Variants in NCAM2 observed in about 807,000 individuals in gnomAD.
NCAM2 encodes N-CAM-2.
Under a neutral mutation model 98.1 loss-of-function variants are expected in NCAM2, and 30 were observed. The ratio of observed to expected loss-of-function variants is 0.31; its 90% CI spans 0.23 to 0.41. NCAM2 has a LOEUF of 0.41. Ranked by LOEUF, NCAM2 falls within the 10% of genes least tolerant of loss-of-function variation. NCAM2 has a pLI of 1.00. For synonymous variants in NCAM2, 368 were observed against 342.4 expected (o/e 1.07, Z -0.83); for missense variants, 867 against 1,005.8 (o/e 0.86, Z 1.87).
chr21:21,090,868 G>A (rs2065998648), intron 1 of NCAM2, among the ~76,000 whole-genome samples: 1 of 152,096 alleles, frequency 6.6e-6, no homozygotes, highest in African/African-American at 2.4e-5. Context: ...TTTCTCAAAT[G>A]TCATTTTAAG....
intron 9 of NCAM2, among the ~76,000 whole-genome samples, chr21:21,409,608 T>C (rs2076815665): frequency 6.6e-6 from 1 of 152,200 alleles, no homozygotes; most frequent in African/African-American, 2.4e-5. Flanking sequence ...CACTTTATAG[T>C]TTGTTCCAGA....
chr21:21,328,332 CTT>C lies in NCAM2; in HGVS notation c.737+3835_737+3836del, dbSNP rs144170014. ...TGGTTTATATATTTACTATACCGTACTTTTAATCATTATTTTAGAGTGTACTC... is the reference window on the plus strand; with the variant it reads ...TGGTTTATATATTTACTATACCGTACTTAATCATTATTTTAGAGTGTACTC... On this transcript the variant is annotated intron_variant, in intron 6 of 17. Coordinates refer to ENST00000400546, the MANE Select transcript of NCAM2 (RefSeq NM_004540.5). Among the ~76,000 whole-genome samples, 1,384 of 152,230 alleles carry C rather than the reference CTT, an allele frequency of 9.1e-3. 23 individuals are homozygous for C. Among genetic ancestry groups the C allele is most frequent in the African/African-American group, 0.032 (1,323 of 41,558 alleles).
chr21:21,391,478 G>A (rs2076378917), intron 9 of NCAM2, among the ~76,000 whole-genome samples: 1 of 151,994 alleles, frequency 6.6e-6, no homozygotes, highest in Admixed American at 6.6e-5. Context: ...AGAACCTAAG[G>A]AGGAGATAAT....
intron 12 of NCAM2, among the ~76,000 whole-genome samples, chr21:21,436,081 A>T (rs371939527): frequency 1.3e-5 from 2 of 152,326 alleles, no homozygotes; most frequent in East Asian, 3.9e-4. Context: ...TAGTAAAGAT[A>T]TTCATCAGAA....
At chr21:21,037,377 T>A (rs538201929) in intron 1 of NCAM2, among the ~76,000 whole-genome samples, 1 of 152,316 alleles carries the variant, frequency 6.6e-6, no homozygotes, top group African/African-American at 2.4e-5. Context: ...TGTTTTCCTG[T>A]TATGTTATAT....
chr21:21,331,967 A>G (rs1251882460), intron 6 of NCAM2, among the ~76,000 whole-genome samples: 1 of 151,364 alleles, frequency 6.6e-6, no homozygotes, highest in Non-Finnish European at 1.5e-5. Context: ...CTGTGGTGTG[A>G]TCTTGGCTCA....
intron 1 of NCAM2, among the ~76,000 whole-genome samples, chr21:21,265,065 T>C (rs1433882044): frequency 1.0e-5 from 1 of 95,910 alleles, no homozygotes; most frequent in Non-Finnish European, 2.1e-5. Flanking sequence ...TATATGTGTA[T>C]GTGTATATAT....
chr21:21,132,881 G>A (rs564167291), intron 1 of NCAM2, among the ~76,000 whole-genome samples: 2 of 152,260 alleles, frequency 1.3e-5, no homozygotes, highest in African/African-American at 4.8e-5. Flanking sequence ...TCCTTTGTGT[G>A]CCACTTCCAG....
intron 16 of NCAM2, among the ~76,000 whole-genome samples, chr21:21,516,698 T>A (rs968985640): frequency 6.6e-6 from 1 of 152,148 alleles, no homozygotes; most frequent in Non-Finnish European, 1.5e-5. Flanking sequence ...CCCTCACTGC[T>A]TAATCTCTTC....
intron 1 of NCAM2, among the ~76,000 whole-genome samples, chr21:21,204,510 A>G (rs1307879082): frequency 6.6e-6 from 1 of 152,126 alleles, no homozygotes; most frequent in Admixed American, 6.6e-5. Context: ...AACATTTTCA[A>G]ACTTGTTATG....
intron 11 of NCAM2, among the ~76,000 whole-genome samples, chr21:21,425,144 A>G (rs2077188993): frequency 6.6e-6 from 1 of 151,462 alleles, no homozygotes; most frequent in African/African-American, 2.4e-5. Flanking sequence ...AACATGATTC[A>G]TGTATCTTAG....
chr21:21,162,240 A>G (rs1447536933), intron 1 of NCAM2, among the ~76,000 whole-genome samples: 1 of 152,132 alleles, frequency 6.6e-6, no homozygotes, highest in Admixed American at 6.6e-5. Flanking sequence ...ACACACTTGA[A>G]GTGTAATTAT....
chr21:21,373,992 A>G lies in NCAM2; in HGVS notation c.1174A>G (p.Ser392Gly), dbSNP rs1360673663. The G allele has an allele frequency of 1.1e-5, 17 of 1,609,444 alleles. No individual in the cohort carries two copies. The East Asian group carries it at 3.8e-4, about 36-fold the overall frequency. ...AASRIGGHQK[S>G]MYLDIEYAPK... Reference sequence around the variant, plus strand: ...AAGCAGAATTGGAGGGCATCAAAAGAGCATGTACCTTGATATTGAATGTAA... The same window carrying G: ...AAGCAGAATTGGAGGGCATCAAAAGGGCATGTACCTTGATATTGAATGTAA... The change falls in exon 9 of 18, where the codon AGC becomes GGC. Residue 392 changes from serine to glycine, a missense_variant. By Grantham distance (56) the Ser-to-Gly change is moderately conservative. Coordinates refer to ENST00000400546, the MANE Select transcript of NCAM2 (RefSeq NM_004540.5).
chr21:21,033,098 C>T (rs960284741), intron 1 of NCAM2, among the ~76,000 whole-genome samples: 28 of 151,852 alleles, frequency 1.8e-4, no homozygotes, highest in Non-Finnish European at 3.4e-4. Context: ...TTACAGGCAC[C>T]CACCGCCACA....
chr21:21,260,691 A>G (rs1415530228), intron 1 of NCAM2, among the ~76,000 whole-genome samples: 1 of 152,196 alleles, frequency 6.6e-6, no homozygotes, highest in East Asian at 1.9e-4. Flanking sequence ...CACCACTACA[A>G]GAAATGCTCA....
rs1385416820 is a variant in NCAM2, at chr21:21,319,128, C to A, written c.620-5255C>A. Among the ~76,000 whole-genome samples, 24 of 151,380 alleles carry A rather than the reference C, an allele frequency of 1.6e-4. No individual in the cohort carries two copies. In the East Asian group the frequency reaches 4.1e-3, roughly 26 times the overall value. On this transcript the variant is annotated intron_variant, in intron 5 of 17. Coordinates refer to ENST00000400546, the MANE Select transcript of NCAM2 (RefSeq NM_004540.5). ...GGAGACCCTGTATCAAAAAGAAAAA[C>A]AAACAAAAAAAAATGCAAGCACAGT...
intron 8 of NCAM2, among the ~76,000 whole-genome samples, chr21:21,341,756 A>T (rs571112051): frequency 6.6e-6 from 1 of 152,156 alleles, no homozygotes; most frequent in East Asian, 1.9e-4. Context: ...AAGACAAAAA[A>T]AATGGGGATA....
chr21:21,135,673 G>A (rs571447695), intron 1 of NCAM2, among the ~76,000 whole-genome samples: 6 of 152,176 alleles, frequency 3.9e-5, no homozygotes, highest in Admixed American at 1.3e-4. Flanking sequence ...CACTATTTCC[G>A]TGTCCTAACT....
intron 1 of NCAM2, among the ~76,000 whole-genome samples, chr21:21,264,299 C>G (rs966802050): frequency 6.6e-6 from 1 of 152,048 alleles, no homozygotes; most frequent in Non-Finnish European, 1.5e-5. Flanking sequence ...AATGCAATAA[C>G]ATTTGACACC....
Sources: allele counts gnomAD v4.1 joint callset (sites outside exome capture counted in the v4.1 genomes callset), GRCh38; gene constraint gnomAD v4.1.1; transcripts MANE v1.5; gene names NCBI Gene and HGNC (gene_info 2026-07-23, HGNC 2026-07-21).